Variants in ZNF66 observed in about 807,000 individuals in gnomAD.
The protein encoded by ZNF66 is putative zinc finger protein 66.
In ZNF66, 32 loss-of-function variants were observed where a neutral mutation model predicts 35.2. The observed-to-expected ratio is 0.91, with a 90% CI of 0.69 to 1.22. The LOEUF is 1.22. ZNF66 is among the 50% of genes most tolerant of loss of function. The probability of loss-of-function intolerance (pLI) is 0.00; values close to 1 mark genes in which losing one functional copy is unlikely to be tolerated. For missense variants in ZNF66, 666 were observed against 543.1 expected (o/e 1.23, Z -2.25); for synonymous variants, 231 against 181.3 (o/e 1.27, Z -2.20).
intron 3 of ZNF66, among the ~76,000 whole-genome samples, chr19:20,803,084 A>G (rs1971464829): frequency 6.6e-6 from 1 of 152,058 alleles, no homozygotes; most frequent in African/African-American, 2.4e-5. Flanking sequence ...TTCTACTTCC[A>G]TCTTGCCACT....
In ZNF66 at chr19:20,799,061, C is replaced by CTTTTTTTTTTTT. The variant is rs374547894; in HGVS notation, c.226+5186_226+5187insTTTTTTTTTTTT. ...TTTCTTTCTTTCTTTCTTTTTCTTT[C>CTTTTTTTTTTTT]TTTCTTTTTTTTTTTTTTGAGATGG... On this transcript the variant is annotated intron_variant, in intron 3 of 3. Coordinates refer to ENST00000344519, the MANE Select transcript of ZNF66 (RefSeq NM_001355197.2). 24 of 116,700 alleles carry CTTTTTTTTTTTT rather than the reference C, an allele frequency of 2.1e-4. 2 individuals carry two copies. Among genetic ancestry groups the CTTTTTTTTTTTT allele is most frequent in the African/African-American group, 4.2e-4 (13 of 30,706 alleles). The allele number at this position is 116,700 out of a possible 1,614,324, so 7.2% of individuals were successfully genotyped here. A position where few individuals can be genotyped will look rare whatever the true frequency, so the allele number is the denominator to read the frequency against.
Position 20,806,200 on chromosome 19 carries a change from C to G in ZNF66, c.600C>G (p.Pro200=), listed in dbSNP as rs1023888605. Residue 200 remains proline, a synonymous_variant, in exon 4 of 4, where the codon CCC becomes CCG. Transcript: ENST00000344519. Reference sequence around the variant, plus strand: ...AGAAAATTCATACTGGAGAGAAACCCTATAAATGTATAGAATGTGGCAAAG... The same window carrying G: ...AGAAAATTCATACTGGAGAGAAACCGTATAAATGTATAGAATGTGGCAAAG... ...THKKIHTGEK[P]YKCIECGKAF... The G allele has an allele frequency of 2.2e-6, 3 of 1,350,328 alleles. No homozygotes were observed. Among genetic ancestry groups the G allele is most frequent in the African/African-American group, 2.9e-5 (2 of 69,584 alleles). 83.6% of individuals were successfully genotyped at this position (1,350,328 alleles called of 1,614,324 possible).
In ZNF66 at chr19:20,809,093, GATGAA is replaced by G. The variant is rs1000768919; in HGVS notation, c.*1777_*1781del. 1.3e-5 allele frequency among the ~76,000 whole-genome samples: 2 copies of G among 152,044 alleles called. No homozygotes were observed. Among genetic ancestry groups the G allele is most frequent in the African/African-American group, 2.4e-5 (1 of 41,398 alleles). ...GGAAGAAAGGGTATCAGTGATGGAAGATGAAATGAATGAAATGAAGTGAGAAGGGA... is the reference window on the plus strand; with the variant it reads ...GGAAGAAAGGGTATCAGTGATGGAAGATGAATGAAATGAAGTGAGAAGGGA... On this transcript the variant is annotated 3_prime_UTR_variant, in exon 4 of 4. Transcript: ENST00000344519.
intron 1 of ZNF66, among the ~76,000 whole-genome samples, chr19:20,789,117 G>A (rs1429817743): frequency 6.6e-6 from 1 of 152,044 alleles, no homozygotes; most frequent in Non-Finnish European, 1.5e-5. Flanking sequence ...TTAGTATGTA[G>A]CATAAAGTTG....
chr19:20,791,754 C>T (rs1164119135), intron 1 of ZNF66, among the ~76,000 whole-genome samples: 1 of 152,056 alleles, frequency 6.6e-6, no homozygotes, highest in African/African-American at 2.4e-5. Context: ...CTTCTGTATG[C>T]ATTAACACAT....
chr19:20,801,172 A>G (rs1971444164), intron 3 of ZNF66, among the ~76,000 whole-genome samples: 1 of 124,994 alleles, frequency 8.0e-6, no homozygotes, highest in Non-Finnish European at 1.8e-5. Context: ...TGTGGTTACT[A>G]TTTTCATGGT....
rs1971512580 is a variant in ZNF66 at position 20,806,538 on chromosome 19, A to G, written c.938A>G (p.Tyr313Cys). 1 of 1,542,166 alleles carries G rather than the reference A, an allele frequency of 6.5e-7. No individual in the cohort carries two copies. Among genetic ancestry groups the G allele is most frequent in the African/African-American group, 1.4e-5 (1 of 73,426 alleles). Reference sequence around the variant, plus strand: ...ATAATTCATACTGGAGAGAAACCCTACAAATGTGAAGAATGTGGTAAAGCC... The same window carrying G: ...ATAATTCATACTGGAGAGAAACCCTGCAAATGTGAAGAATGTGGTAAAGCC... ...HKIIHTGEKP[Y>C]KCEECGKAFN... Residue 313 changes from tyrosine (Y) to cysteine (C), a missense_variant, in exon 4 of 4, where the codon TAC becomes TGC. Tyr to Cys is a radical substitution (Grantham distance 194). Coordinates refer to ENST00000344519, the MANE Select transcript of ZNF66 (RefSeq NM_001355197.2).
intron 3 of ZNF66, among the ~76,000 whole-genome samples, chr19:20,801,269 T>C (rs921012477): frequency 1.3e-5 from 2 of 152,298 alleles, no homozygotes. Context: ...TGTATGCTTT[T>C]TAAAAAACCA....
rs755380479 is a variant in ZNF66 at position 20,807,135 on chromosome 19, A to G, written c.1535A>G (p.Glu512Gly). The G allele has an allele frequency of 6.3e-6, 5 of 797,430 alleles. No individual in the cohort carries two copies. The highest frequency in any genetic ancestry group is 1.1e-5 in the Non-Finnish European group (5 of 448,946). 49.4% of individuals were successfully genotyped at this position (797,430 alleles called of 1,614,324 possible). A position where few individuals can be genotyped will look rare whatever the true frequency, so the allele number is the denominator to read the frequency against. Residue 512 changes from glutamate (E) to glycine (G), a missense_variant, in exon 4 of 4, where the codon GAA (glutamate) becomes GGA (glycine). Glu to Gly is a moderately conservative substitution (Grantham distance 98, BLOSUM62 -2). Transcript: ENST00000344519. ...ACTGCAGATAAACCCTACAAATGTG[A>G]AGAATGTGGCAAAGACTTTAAGTAC... ...IHTADKPYKC[E>G]ECGKDFKYSS...
Position 20,806,248 on chromosome 19 carries a change from T to G in ZNF66, c.648T>G (p.Leu216=). 1 of 1,446,330 alleles carries G rather than the reference T, an allele frequency of 6.9e-7. No individual in the cohort carries two copies. Among genetic ancestry groups the G allele is most frequent in the Non-Finnish European group, 9.7e-7 (1 of 1,027,908 alleles). The allele number at this position is 1,446,330 out of a possible 1,614,324, so 89.6% of individuals were successfully genotyped here. The change falls in exon 4 of 4, where the codon CTT becomes CTG. Residue 216 remains leucine (L), a synonymous_variant. Coordinates refer to ENST00000344519, the MANE Select transcript of ZNF66 (RefSeq NM_001355197.2). ...CGKAFNRSSH[L]TTHKIIHTGE... Reference sequence around the variant, plus strand: ...AAGCCTTCAACCGGTCCTCACACCTTACTACACATAAGATAATTCATACTG... The same window carrying G: ...AAGCCTTCAACCGGTCCTCACACCTGACTACACATAAGATAATTCATACTG...
At chr19:20,780,950 C>T (rs1971240245) in intron 1 of ZNF66, among the ~76,000 whole-genome samples, 1 of 152,202 alleles carries the variant, frequency 6.6e-6, no homozygotes, top group South Asian at 2.1e-4. Context: ...GGACTAGGCA[C>T]CACCCTCAGA....
intron 3 of ZNF66, among the ~76,000 whole-genome samples, chr19:20,805,215 T>C (rs1321322713): frequency 6.6e-6 from 1 of 151,770 alleles, no homozygotes; most frequent in Admixed American, 6.6e-5. Flanking sequence ...TATCTGCCAT[T>C]ACAGAGTCTC....
chr19:20,791,814 A>G (rs1366158020), intron 1 of ZNF66, among the ~76,000 whole-genome samples: 1 of 152,188 alleles, frequency 6.6e-6, no homozygotes, highest in Non-Finnish European at 1.5e-5. Flanking sequence ...CACTTGCTTA[A>G]ATAGGTCTCT....
chr19:20,792,819 GC>G (rs1251896486), intron 2 of ZNF66, among the ~76,000 whole-genome samples, 181 bp downstream of exon 2: 3 of 152,070 alleles, frequency 2.0e-5, no homozygotes, highest in Admixed American at 6.5e-5. Context: ...TGTAATCCCA[GC>G]ACTTTGGGAG....
chr19:20,783,315 A>C (rs61177778), intron 1 of ZNF66, among the ~76,000 whole-genome samples: 14,163 of 152,248 alleles, frequency 0.093, 675 homozygotes, highest in Middle Eastern at 0.11. Flanking sequence ...GTTCAAAACT[A>C]TTTAAAAAGT....
At position 20,806,704 on chromosome 19, in the gene ZNF66, C is replaced by G. The variant is rs1484756825; in HGVS notation, c.1104C>G (p.Pro368=). The change falls in exon 4 of 4, where the codon CCC becomes CCG. Residue 368 remains proline (P), a synonymous_variant. Transcript: ENST00000344519. ...KHKIIHTGEK[P]YKCEECGEAF... is the part of the protein sequence containing the mutation. Reference sequence around the variant, plus strand: ...AAATAATCCATACTGGAGAGAAACCCTACAAATGTGAAGAATGTGGTGAAG... The same window carrying G: ...AAATAATCCATACTGGAGAGAAACCGTACAAATGTGAAGAATGTGGTGAAG... 1 of 1,458,682 alleles carries G rather than the reference C, an allele frequency of 6.9e-7. No individual in the cohort carries two copies. The highest frequency in any genetic ancestry group is 9.6e-7 in the Non-Finnish European group (1 of 1,041,358). 90.4% of individuals were successfully genotyped at this position (1,458,682 alleles called of 1,614,324 possible).
At position 20,808,948 on chromosome 19, in the gene ZNF66, C is replaced by A. The variant is rs184193516; in HGVS notation, c.*1626C>A. Among the ~76,000 whole-genome samples, 56 of 136,980 alleles carry A rather than the reference C, an allele frequency of 4.1e-4. No homozygotes were observed. The highest frequency in any genetic ancestry group is 1.5e-3 in the African/African-American group (56 of 36,874). 89.9% of individuals were successfully genotyped at this position (136,980 alleles called of 152,430 possible). A position where few individuals can be genotyped will look rare whatever the true frequency, so the allele number is the denominator to read the frequency against. On this transcript the variant is annotated 3_prime_UTR_variant, in exon 4 of 4. Coordinates refer to ENST00000344519, the MANE Select transcript of ZNF66 (RefSeq NM_001355197.2). ...AAGGCAAAGAAGTTAAAAAATTAGA[C>A]GAATGTATAACTAGAATAACCAATG...
chr19:20,789,133 G>A (rs1971313789), intron 1 of ZNF66, among the ~76,000 whole-genome samples: 1 of 152,086 alleles, frequency 6.6e-6, no homozygotes, highest in African/African-American at 2.4e-5. Flanking sequence ...AGTTGACAGG[G>A]CAGTGGCTAG....
chr19:20,787,457 A>G (rs1971296895), intron 1 of ZNF66, among the ~76,000 whole-genome samples: 1 of 152,234 alleles, frequency 6.6e-6, no homozygotes, highest in Non-Finnish European at 1.5e-5. Flanking sequence ...AGAATCTGCA[A>G]TTAAGGTCTG....
Sources: gnomAD v4.1 joint callset for allele counts (sites outside exome capture counted in the v4.1 genomes callset) on GRCh38, gnomAD v4.1.1 for gene constraint, MANE v1.5 for transcripts, NCBI Gene and HGNC (gene_info 2026-07-23, HGNC 2026-07-21) for gene names.